Variants in FRMD4A observed in about 807,000 individuals in gnomAD.
FRMD4A encodes FERM domain containing 4A.
A neutral mutation model predicts 129.1 loss-of-function variants in FRMD4A; 29 were observed. The observed-to-expected ratio is 0.22, with a 90% CI of 0.17 to 0.31. FRMD4A has a LOEUF of 0.31. Ranked by LOEUF, FRMD4A falls within the 10% of genes least tolerant of loss-of-function variation. The probability of loss-of-function intolerance (pLI) is 1.00; values close to 1 mark genes in which losing one functional copy is unlikely to be tolerated. For synonymous variants in FRMD4A, 634 were observed against 571.6 expected (o/e 1.11, Z -1.56); for missense variants, 1,272 against 1,375.8 (o/e 0.92, Z 1.19).
chr10:14,313,020 C>G (rs532935610), intron 2 of FRMD4A, among the ~76,000 whole-genome samples: 1 of 151,798 alleles, frequency 6.6e-6, no homozygotes. Flanking sequence ...AATGTATAAC[C>G]CTTTGTATTT....
chr10:13,922,959 A>G (rs2095090496), intron 2 of FRMD4A, among the ~76,000 whole-genome samples: 1 of 152,220 alleles, frequency 6.6e-6, no homozygotes, highest in Non-Finnish European at 1.5e-5. Flanking sequence ...TGAGTAGTTC[A>G]TTCTTTGGTT....
At chr10:13,766,144 G>A (rs748824276) in intron 6 of FRMD4A, among the ~76,000 whole-genome samples, 3 of 152,238 alleles carry the variant, frequency 2.0e-5, no homozygotes, top group African/African-American at 4.8e-5. Context: ...ATTTTACACA[G>A]CCCATTATGT....
Position 14,154,329 on chromosome 10 carries a change from A to AT in FRMD4A, c.45+175728dup, listed in dbSNP as rs1233040269. Among the ~76,000 whole-genome samples, 4 of 152,178 alleles carry AT rather than the reference A, an allele frequency of 2.6e-5. No individual in the cohort carries two copies. In the East Asian group the frequency reaches 7.7e-4, roughly 29 times the overall value. On this transcript the variant is annotated intron_variant, in intron 2 of 24. Coordinates refer to ENST00000357447, the MANE Select transcript of FRMD4A (RefSeq NM_018027.5). Reference sequence around the variant, plus strand: ...TAGCATTGCAAATCTGTCTGTTTCCATTTTTTGATATCATTGAGATTTTAG... The same window carrying AT: ...TAGCATTGCAAATCTGTCTGTTTCCATTTTTTTGATATCATTGAGATTTTAG...
intron 2 of FRMD4A, among the ~76,000 whole-genome samples, chr10:14,185,483 T>C (rs557898964): frequency 2.0e-5 from 3 of 152,356 alleles, no homozygotes; most frequent in East Asian, 1.9e-4. Context: ...TACAACATTT[T>C]GTAATTTTTC....
chr10:13,881,994 T>G (rs1474669038), intron 2 of FRMD4A, among the ~76,000 whole-genome samples: 1 of 646 alleles, frequency 1.5e-3, no homozygotes, highest in Admixed American at 0.045. Context: ...GGCAAGGGTG[T>G]GTGTGTGTGT....
At chr10:13,791,603 A>C (rs1204982599) in intron 5 of FRMD4A, among the ~76,000 whole-genome samples, 1 of 152,232 alleles carries the variant, frequency 6.6e-6, no homozygotes, top group Non-Finnish European at 1.5e-5. Context: ...CAGAAGCTGG[A>C]GGAAATGGAC....
chr10:14,152,116 GCTT>G (rs1564343116), intron 2 of FRMD4A, among the ~76,000 whole-genome samples: 4 of 98,116 alleles, frequency 4.1e-5, no homozygotes, highest in Non-Finnish European at 8.0e-5. Context: ...TTTGTGTAGT[GCTT>G]TTTTTTTTTT....
At chr10:13,654,312 A>G (rs747293920) in intron 23 of FRMD4A, 104 bp downstream of exon 23, 1 of 814,664 alleles carries the variant, frequency 1.2e-6, no homozygotes, top group African/African-American at 1.7e-5. Flanking sequence ...CCAGTGATGA[A>G]CCCTCATCAT....
rs575176962 is a variant in FRMD4A at position 14,237,342 on chromosome 10, T to A, written c.45+92716A>T. Among the ~76,000 whole-genome samples, 3 of 152,118 alleles carry A rather than the reference T, an allele frequency of 2.0e-5. No individual in the cohort carries two copies. In the East Asian group the frequency reaches 5.8e-4, roughly 29 times the overall value. On this transcript the variant is annotated intron_variant, in intron 2 of 24. Transcript: ENST00000357447. ...GGCATCAATTTCTCTTTTTTTGTTG[T>A]TGTTTTGAGATGGTGTCACACTCTG...
chr10:14,001,485 G>A (rs1588724857), intron 2 of FRMD4A, among the ~76,000 whole-genome samples: 1 of 152,188 alleles, frequency 6.6e-6, no homozygotes, highest in African/African-American at 2.4e-5. Context: ...CCAGCTTGAG[G>A]AATGAAAACT....
intron 19 of FRMD4A, among the ~76,000 whole-genome samples, chr10:13,661,250 A>G (rs2082618802): frequency 6.6e-6 from 1 of 152,224 alleles, no homozygotes; most frequent in African/African-American, 2.4e-5. Context: ...AAATGATCTA[A>G]CACGTCAGTG....
chr10:14,288,039 TC>T (rs1181326701), intron 2 of FRMD4A, among the ~76,000 whole-genome samples: 6 of 152,076 alleles, frequency 3.9e-5, no homozygotes, highest in Non-Finnish European at 5.9e-5. Context: ...TAAATGACTT[TC>T]TACGGTGAAG....
intron 2 of FRMD4A, among the ~76,000 whole-genome samples, chr10:13,951,929 T>TAATAATAAAAAA (rs1554984653): frequency 6.2e-5 from 9 of 145,966 alleles, no homozygotes; most frequent in Non-Finnish European, 1.1e-4. Context: ...ATAATAATAA[T>TAATAATAAAAAA]AAACAATCTA....
intron 2 of FRMD4A, chr10:13,971,584 T>C (rs1354061530): frequency 8.1e-6 from 7 of 859,978 alleles, no homozygotes; most frequent in Non-Finnish European, 1.2e-5. Flanking sequence ...CAATAGCTCA[T>C]GCCCCCTTCT....
chr10:13,877,050 T>C (rs1017861110), intron 2 of FRMD4A, among the ~76,000 whole-genome samples: 2 of 152,140 alleles, frequency 1.3e-5, no homozygotes, highest in South Asian at 4.1e-4. Flanking sequence ...GCCACATAGA[T>C]AAGAGTTGGG....
intron 2 of FRMD4A, among the ~76,000 whole-genome samples, chr10:14,050,593 C>G (rs1588871915): frequency 6.6e-6 from 1 of 152,142 alleles, no homozygotes; most frequent in East Asian, 1.9e-4. Flanking sequence ...CCAGAAGGAC[C>G]AAGATGTAAT....
intron 2 of FRMD4A, among the ~76,000 whole-genome samples, chr10:14,193,701 C>T (rs1842390471): frequency 6.9e-6 from 1 of 145,554 alleles, no homozygotes. Flanking sequence ...AAAAAAAAAA[C>T]TACAAATAAT....
intron 9 of FRMD4A, among the ~76,000 whole-genome samples, chr10:13,744,202 C>T (rs537856990): frequency 6.6e-6 from 1 of 152,208 alleles, no homozygotes; most frequent in East Asian, 1.9e-4. Context: ...GATGTCCCTG[C>T]ATACCTTATT....
intron 2 of FRMD4A, among the ~76,000 whole-genome samples, chr10:13,944,658 G>A (rs1282645286): frequency 6.6e-6 from 1 of 152,040 alleles, no homozygotes; most frequent in African/African-American, 2.4e-5. Context: ...GATTCAAGGT[G>A]TTTTCCCTGA....
Sources: gnomAD v4.1 joint callset for allele counts (sites outside exome capture counted in the v4.1 genomes callset) on GRCh38, gnomAD v4.1.1 for gene constraint, MANE v1.5 for transcripts, NCBI Gene and HGNC (gene_info 2026-07-23, HGNC 2026-07-21) for gene names.